Variants in MYO16 observed in about 807,000 individuals in gnomAD.
The protein encoded by MYO16 is unconventional myosin-XVI.
MYO16 carries 94 observed loss-of-function variants against 205.3 expected under a neutral mutation model. That is an observed-to-expected ratio of 0.46 (90% CI 0.39 to 0.54). The LOEUF (loss-of-function observed/expected upper bound fraction) is 0.54, where lower values mean the gene tolerates loss of function less well. Among genes scored for constraint, MYO16 ranks in the 20% least tolerant of loss-of-function variants. The pLI, the probability that MYO16 is intolerant of heterozygous loss-of-function variation, is 0.00. For missense variants in MYO16, 2,315 were observed against 2,387.5 expected (o/e 0.97, Z 0.63); for synonymous variants, 988 against 954.0 (o/e 1.04, Z -0.66).
intron 9 of MYO16, among the ~76,000 whole-genome samples, chr13:108,831,782 A>T (rs1037391786): frequency 5.3e-5 from 8 of 152,148 alleles, no homozygotes; most frequent in Admixed American, 1.3e-4. Context: ...CAAAGTGCTG[A>T]GATTACAGGC....
intron 6 of MYO16, among the ~76,000 whole-genome samples, chr13:108,804,151 A>G (rs1434013483): frequency 6.6e-6 from 1 of 152,204 alleles, no homozygotes; most frequent in Non-Finnish European, 1.5e-5. Flanking sequence ...CTCCATCTGC[A>G]AAATAAGGGC....
At chr13:109,070,360 G>C (rs9301341) in intron 27 of MYO16, among the ~76,000 whole-genome samples, 75,995 of 152,000 alleles carry the variant, frequency 0.5, 19,030 homozygotes, top group Middle Eastern at 0.55. Flanking sequence ...TGACCAACAG[G>C]TATTTGTTGA....
At chr13:108,777,022 G>T (rs1377456737) in intron 4 of MYO16, among the ~76,000 whole-genome samples, 1 of 152,150 alleles carries the variant, frequency 6.6e-6, no homozygotes, top group African/African-American at 2.4e-5. Flanking sequence ...TAGGCTGTGT[G>T]TACCTAGAAG....
intron 4 of MYO16, among the ~76,000 whole-genome samples, chr13:108,761,719 T>C (rs760993087): frequency 6.6e-6 from 1 of 152,180 alleles, no homozygotes; most frequent in Non-Finnish European, 1.5e-5. Flanking sequence ...TGGGATTCAC[T>C]GAGGGATCGT....
chr13:109,141,620 C>T lies in MYO16; in HGVS notation c.5164+244C>T, dbSNP rs76948524. Among the ~76,000 whole-genome samples, 229 of 152,180 alleles carry T rather than the reference C, an allele frequency of 1.5e-3. 1 individual carries two copies. The highest frequency in any genetic ancestry group is 2.8e-3 in the Non-Finnish European group (189 of 68,012). ...GCTCGTGATATAGAAAGACGCAGACCGCAACTGGATTTAATAAATTATAAC... is the reference window on the plus strand; with the variant it reads ...GCTCGTGATATAGAAAGACGCAGACTGCAACTGGATTTAATAAATTATAAC... On this transcript the variant is annotated intron_variant, in intron 32 of 34. Transcript: ENST00000457511. The surrounding 1 kb of genome is among the most constrained non-coding windows in gnomAD (Gnocchi z 4.1).
Position 108,910,134 on chromosome 13 carries a change from A to G in MYO16, c.1909A>G (p.Asn637Asp). Reference protein sequence around the residue: ...AEEKYGLHLNNLCAHRYLNQT... With the variant: ...AEEKYGLHLNDLCAHRYLNQT... The stretch of plus-strand genomic sequence containing the variant: ...AGAAAAATATGGACTTCATCTTAAT[A>G]ATTTATGTGCACACCGGTGAGTGAC... The change falls in exon 16 of 35, where the codon AAT becomes GAT. Residue 637 changes from asparagine to aspartate, a missense_variant. By Grantham distance (23) the Asn-to-Asp change is conservative (BLOSUM62 1). Transcript: ENST00000457511. 1 of 1,613,082 alleles carries G rather than the reference A, an allele frequency of 6.2e-7. No individual in the cohort carries two copies. Among genetic ancestry groups the G allele is most frequent in the South Asian group, 1.1e-5 (1 of 91,042 alleles).
chr13:108,944,323 A>C lies in MYO16; in HGVS notation c.1926-13365A>C, dbSNP rs77621025. On this transcript the variant is annotated intron_variant, in intron 16 of 34. Coordinates refer to ENST00000457511, the MANE Select transcript of MYO16 (RefSeq NM_001198950.3). ...AAGTAGCCCACCTTATTCTTAAATA[A>C]AACTTTTTAGGATCACCTGTTAAGA... is the stretch of plus-strand genomic sequence containing the variant. 7.8e-3 allele frequency among the ~76,000 whole-genome samples: 1,188 copies of C among 152,348 alleles called. 15 individuals are homozygous for C. The highest frequency in any genetic ancestry group is 0.028 in the African/African-American group (1,147 of 41,576).
rs192832146 is a variant in MYO16, at chr13:108,645,452, G to A, written c.28+15580G>A. On this transcript the variant is annotated intron_variant, in intron 1 of 34. Coordinates refer to ENST00000457511, the MANE Select transcript of MYO16 (RefSeq NM_001198950.3). ...CGCTGTCTCCTGTAGCTTTAAAAAGGCTCTCAATGTGATTCCTAACATTCA... is the reference window on the plus strand; with the variant it reads ...CGCTGTCTCCTGTAGCTTTAAAAAGACTCTCAATGTGATTCCTAACATTCA... Among the ~76,000 whole-genome samples the A allele has an allele frequency of 5.3e-5, 8 of 152,220 alleles. No individual in the cohort carries two copies. In the East Asian group the frequency reaches 1.5e-3, roughly 29 times the overall value.
the MYO16 span, among the ~76,000 whole-genome samples, chr13:108,546,462 T>G: frequency 6.6e-6 from 1 of 152,190 alleles, no homozygotes; most frequent in Non-Finnish European, 1.5e-5. Context: ...AGAAGAGATT[T>G]ATCTTTAGAG....
intron 31 of MYO16, among the ~76,000 whole-genome samples, chr13:109,137,307 T>G (rs1243817407): frequency 6.6e-6 from 1 of 152,240 alleles, no homozygotes; most frequent in African/African-American, 2.4e-5. Context: ...TTCTAATCAT[T>G]GTATTCACTG....
chr13:108,552,399 T>TTTTA, the MYO16 span, among the ~76,000 whole-genome samples: 2 of 152,190 alleles, frequency 1.3e-5, no homozygotes. Context: ...ACGTGTTTTA[T>TTTTA]TTTATTTATT....
chr13:109,084,671 A>G (rs1888383170), intron 27 of MYO16, among the ~76,000 whole-genome samples: 1 of 147,712 alleles, frequency 6.8e-6, no homozygotes, highest in Non-Finnish European at 1.5e-5. Flanking sequence ...GTTAAGAAAT[A>G]ATATTTAAGT....
chr13:108,657,910 C>A (rs186769954), intron 1 of MYO16, among the ~76,000 whole-genome samples: 1 of 152,092 alleles, frequency 6.6e-6, no homozygotes, highest in African/African-American at 2.4e-5. Context: ...ATTTTAAACA[C>A]AATTTAATGT....
chr13:108,780,419 A>G (rs1886264285), intron 4 of MYO16, among the ~76,000 whole-genome samples: 2 of 151,688 alleles, frequency 1.3e-5, no homozygotes, highest in Admixed American at 6.6e-5. Flanking sequence ...CATCTCTTCA[A>G]TTAAACAAAG....
chr13:108,574,016 A>AATTTTTCTATT, the MYO16 span, among the ~76,000 whole-genome samples: 2 of 151,944 alleles, frequency 1.3e-5, no homozygotes, highest in East Asian at 3.9e-4. Flanking sequence ...ACACCTGGCT[A>AATTTTTCTATT]ATTTTTCTAT....
Position 109,078,272 on chromosome 13 carries a change from C to CA in MYO16, c.3336-22495dup, listed in dbSNP as rs3042877. Reference sequence around the variant, plus strand: ...CAAAACCCCATCTCTACTAAAAATACAAAAAAAAAAAAAAAAAATTACTAG... The same window carrying CA: ...CAAAACCCCATCTCTACTAAAAATACAAAAAAAAAAAAAAAAAAATTACTAG... On this transcript the variant is annotated intron_variant, in intron 27 of 34. Transcript: ENST00000457511. 5.4e-3 allele frequency among the ~76,000 whole-genome samples: 743 copies of CA among 136,528 alleles called. 5 individuals carry two copies. Among genetic ancestry groups the CA allele is most frequent in the African/African-American group, 0.015 (548 of 36,296 alleles). 89.6% of individuals were successfully genotyped at this position (136,528 alleles called of 152,430 possible).
chr13:108,543,657 A>AG, the MYO16 span, among the ~76,000 whole-genome samples: 1 of 150,322 alleles, frequency 6.7e-6, no homozygotes, highest in African/African-American at 2.4e-5. Context: ...AAAAAAAAAA[A>AG]AAAAAAGAAA....
chr13:108,700,166 C>G (rs952780995), intron 2 of MYO16, among the ~76,000 whole-genome samples: 1 of 151,870 alleles, frequency 6.6e-6, no homozygotes, highest in Non-Finnish European at 1.5e-5. Flanking sequence ...AACCCTTTCT[C>G]TACTAAAAAT....
At chr13:108,744,950 C>A (rs1388206131) in intron 4 of MYO16, among the ~76,000 whole-genome samples, 1 of 152,130 alleles carries the variant, frequency 6.6e-6, no homozygotes, top group Non-Finnish European at 1.5e-5. Context: ...AAAATGCTTA[C>A]TTAATATTAA....
Sources: gnomAD v4.1 joint callset for allele counts (sites outside exome capture counted in the v4.1 genomes callset) on GRCh38, gnomAD v4.1.1 for gene constraint, Gnocchi (gnomAD v3.1) non-coding constraint, MANE v1.5 for transcripts, NCBI Gene and HGNC (gene_info 2026-07-23, HGNC 2026-07-21) for gene names.